The following NEU3 variants were observed in gnomAD, a reference collection of about 807,000 sequenced individuals.
NEU3 encodes the protein neuraminidase 3.
Under a neutral mutation model 11.4 loss-of-function variants are expected in NEU3, and 10 were observed. The observed-to-expected ratio is 0.88, with a 90% CI of 0.54 to 1.49. The LOEUF (loss-of-function observed/expected upper bound fraction) is 1.49. NEU3 is among the 40% of genes most tolerant of loss of function. NEU3 has a pLI of 0.00. For synonymous variants in NEU3, 212 were observed against 228.2 expected (o/e 0.93, Z 0.64); for missense variants, 529 against 581.8 (o/e 0.91, Z 0.93).
chr11:74,988,303 G>A (rs1948690794), upstream of NEU3: 1 of 152,222 alleles, frequency 6.6e-6, no homozygotes. Context: ...CCAAAGCGCT[G>A]AGATTGTAGG....
the NEU3 span, among the ~76,000 whole-genome samples, chr11:74,982,247 A>G: frequency 6.6e-6 from 1 of 152,076 alleles, no homozygotes; most frequent in African/African-American, 2.4e-5. Context: ...TACACCCCCA[A>G]AAGTGCCACA....
In NEU3 at chr11:75,018,469, C is replaced by T. The variant is rs189016171; in HGVS notation, c.*2-222C>T. On this transcript the variant is annotated intron_variant, in intron 3 of 3. Coordinates refer to the NEU3 transcript ENST00000529024. The stretch of plus-strand genomic sequence containing the variant: ...CTAGACTATAAAGCAGGCAGAAAAA[C>T]GGGAAAAGACTTGACTGGCCTAGCC... Among the ~76,000 whole-genome samples the T allele has an allele frequency of 5.0e-3, 768 of 152,174 alleles. 5 individuals carry two copies. The highest frequency in any genetic ancestry group is 0.017 in the African/African-American group (722 of 41,510).
chr11:74,982,661 A>C, the NEU3 span, among the ~76,000 whole-genome samples: 1 of 152,136 alleles, frequency 6.6e-6, no homozygotes, highest in East Asian at 1.9e-4. Context: ...CCTTGGCCCC[A>C]TGGGGACAGG....
intron 1 of NEU3, among the ~76,000 whole-genome samples, chr11:74,989,491 GGAGTGGCGTTCAGTAA>G (rs1311896389): frequency 6.6e-6 from 1 of 152,128 alleles, no homozygotes; most frequent in Non-Finnish European, 1.5e-5. Flanking sequence ...ATTTTACTGT[GGAGTGGCGTTCAGTAA>G]GCTTTGTCCC....
chr11:75,001,285 C>CTT (rs775188864), intron 2 of NEU3, among the ~76,000 whole-genome samples: 19 of 130,076 alleles, frequency 1.5e-4, no homozygotes, highest in African/African-American at 2.5e-4. Context: ...TTTTTTTTTT[C>CTT]TTTTTTTTTT....
chr11:74,982,913 C>T, the NEU3 span, among the ~76,000 whole-genome samples: 1 of 152,140 alleles, frequency 6.6e-6, no homozygotes, highest in Admixed American at 6.5e-5. Context: ...CCACCTCTCA[C>T]ACTTCTGGCT....
Position 75,005,857 on chromosome 11 carries a change from AT to A in NEU3, c.753del (p.Arg252GlyfsTer6). On this transcript the variant is annotated frameshift_variant, in exon 3 of 3. Transcript: ENST00000294064. LOFTEE classifies it low-confidence loss of function (END_TRUNC). The part of the protein sequence containing the change: ...LGVTWHHGRL[I>X]RPMVTVECEV... ...GGTCACATGGCACCATGGTAGACTC[AT>A]TAGGCCCATGGTTACAGTAGAATGT... 6.2e-7 allele frequency: 1 copy of A among 1,613,950 alleles called. No homozygotes were observed. The highest frequency in any genetic ancestry group is 8.5e-7 in the Non-Finnish European group (1 of 1,179,884).
At chr11:75,001,764 G>A (rs909047114) in intron 2 of NEU3, among the ~76,000 whole-genome samples, 2 of 152,130 alleles carry the variant, frequency 1.3e-5, no homozygotes, top group Non-Finnish European at 2.9e-5. Flanking sequence ...CTGTATGTTA[G>A]ATATACCTGG....
chr11:74,987,338 C>A (rs1290005696), upstream of NEU3, among the ~76,000 whole-genome samples: 1 of 152,116 alleles, frequency 6.6e-6, no homozygotes, highest in Non-Finnish European at 1.5e-5. Flanking sequence ...CATATTTGGC[C>A]AGTGGAATCA....
At chr11:74,990,298 AATCC>A in intron 1 of NEU3, 1 of 398,810 alleles carries the variant, frequency 2.5e-6, no homozygotes, top group Non-Finnish European at 4.5e-6. Flanking sequence ...CTGAGACTTG[AATCC>A]AGCCCATGTG....
intron 3 of NEU3, among the ~76,000 whole-genome samples, chr11:75,016,228 A>T (rs950346456): frequency 1.3e-5 from 2 of 152,060 alleles, no homozygotes; most frequent in African/African-American, 4.8e-5. Flanking sequence ...CAATAACCTG[A>T]CCCTATGTCT....
intron 2 of NEU3, among the ~76,000 whole-genome samples, chr11:74,996,297 C>A (rs117189164): frequency 0.05 from 7,568 of 152,258 alleles, 278 homozygotes; most frequent in Middle Eastern, 0.13. Flanking sequence ...TCCTCTCAAA[C>A]CCTGCTGCTG....
In NEU3 at chr11:75,006,316, T is replaced by C. The variant is rs757950196; in HGVS notation, c.1210T>C (p.Ser404Pro). 1 of 1,614,010 alleles carries C rather than the reference T, an allele frequency of 6.2e-7. No individual in the cohort carries two copies. Among genetic ancestry groups the C allele is most frequent in the Admixed American group, 1.7e-5 (1 of 60,030 alleles). ...WILHCGPCGY[S>P]DLAALEEEGL... is the part of the protein sequence containing the mutation. ...CTTGCACTGTGGGCCCTGTGGCTAC[T>C]CTGATCTGGCTGCTCTGGAGGAGGA... Residue 404 changes from serine to proline, a missense_variant, in exon 3 of 3, where the codon TCT becomes CCT. Coordinates refer to ENST00000294064, the MANE Select transcript of NEU3 (RefSeq NM_006656.6).
chr11:74,992,997 T>C (rs1948749002), intron 1 of NEU3, among the ~76,000 whole-genome samples: 1 of 151,994 alleles, frequency 6.6e-6, no homozygotes, highest in African/African-American at 2.4e-5. Context: ...TATAGCTGAA[T>C]TTGCAAGAAA....
chr11:75,014,435 C>T (rs1276886715), downstream of NEU3, among the ~76,000 whole-genome samples: 1 of 152,166 alleles, frequency 6.6e-6, no homozygotes, highest in African/African-American at 2.4e-5. Flanking sequence ...AGGTCTCAGC[C>T]CACCATTGCA....
downstream of NEU3, among the ~76,000 whole-genome samples, chr11:75,012,018 G>A (rs968714718): frequency 1.3e-5 from 2 of 152,022 alleles, no homozygotes; most frequent in Non-Finnish European, 2.9e-5. Flanking sequence ...CCTTCTTGAG[G>A]GGTGGCTTTG....
intron 3 of NEU3, among the ~76,000 whole-genome samples, chr11:75,017,353 C>T (rs567001531): frequency 1.9e-4 from 29 of 152,262 alleles, no homozygotes; most frequent in African/African-American, 5.8e-4. Context: ...CAGCTAGGGA[C>T]GGATGGGTTC....
upstream of NEU3, among the ~76,000 whole-genome samples, chr11:74,987,062 C>A (rs1948671915): frequency 6.6e-6 from 1 of 152,096 alleles, no homozygotes; most frequent in Non-Finnish European, 1.5e-5. Context: ...TAATTGCTGT[C>A]TAGATTCATT....
At chr11:75,015,472 T>TA (rs1207193763), downstream of NEU3, among the ~76,000 whole-genome samples, 2 of 152,094 alleles carry the variant, frequency 1.3e-5, no homozygotes, top group South Asian at 2.1e-4. Context: ...AAGAGGTTTT[T>TA]AAAAAAACAA....
Sources: gnomAD v4.1 joint callset for allele counts (sites outside exome capture counted in the v4.1 genomes callset) on GRCh38, gnomAD v4.1.1 for gene constraint, MANE v1.5 for transcripts, NCBI Gene and HGNC (gene_info 2026-07-23, HGNC 2026-07-21) for gene names.